FBXL17: variants seen among roughly 807,000 people sequenced by gnomAD.
The protein encoded by FBXL17 is F-box and leucine rich repeat protein 17.
FBXL17 carries 22 observed loss-of-function variants against 66.2 expected under a neutral mutation model. The ratio of observed to expected loss-of-function variants is 0.33; its 90% CI spans 0.24 to 0.47. FBXL17 has a LOEUF of 0.47. Ranked by LOEUF, FBXL17 falls within the 20% of genes least tolerant of loss-of-function variation. The probability of loss-of-function intolerance (pLI) is 1.00; values close to 1 mark genes in which losing one functional copy is unlikely to be tolerated. For missense variants in FBXL17, 878 were observed against 948.2 expected (o/e 0.93, Z 0.97); for synonymous variants, 474 against 400.5 (o/e 1.18, Z -2.19).
intron 7 of FBXL17, among the ~76,000 whole-genome samples, chr5:108,001,236 C>T (rs1337777515): frequency 2.0e-5 from 3 of 151,980 alleles, no homozygotes; most frequent in African/African-American, 7.2e-5. Flanking sequence ...TAGTTTTGAT[C>T]CAATTTAGGG....
At chr5:108,375,642 A>G (rs1749372923) in intron 1 of FBXL17, among the ~76,000 whole-genome samples, 1 of 152,188 alleles carries the variant, frequency 6.6e-6, no homozygotes, top group South Asian at 2.1e-4. Flanking sequence ...ATAAAAAACA[A>G]AAAACTTACA....
chr5:108,172,688 T>C (rs1752651803), intron 6 of FBXL17, among the ~76,000 whole-genome samples: 1 of 152,178 alleles, frequency 6.6e-6, no homozygotes, highest in African/African-American at 2.4e-5. Flanking sequence ...TTTAAGTTGC[T>C]TGGTTGGGTG....
intron 3 of FBXL17, among the ~76,000 whole-genome samples, chr5:108,355,847 TA>T (rs371424275): frequency 2.2e-4 from 34 of 152,254 alleles, no homozygotes; most frequent in African/African-American, 6.0e-4. Flanking sequence ...CAGCAAATAG[TA>T]AACATTAACG....
At chr5:108,214,652 G>A (rs1251312147) in intron 5 of FBXL17, among the ~76,000 whole-genome samples, 3 of 151,892 alleles carry the variant, frequency 2.0e-5, no homozygotes, top group East Asian at 1.9e-4. Context: ...TTACAGGCAC[G>A]AGCCACCGCA....
At chr5:107,980,718 G>A (rs1033066625) in intron 7 of FBXL17, among the ~76,000 whole-genome samples, 7 of 131,186 alleles carry the variant, frequency 5.3e-5, no homozygotes, top group African/African-American at 1.9e-4. Context: ...GTGCAGTGGC[G>A]CGATCTCGGC....
At chr5:108,343,411 T>A (rs1475223779) in intron 4 of FBXL17, among the ~76,000 whole-genome samples, 1 of 152,196 alleles carries the variant, frequency 6.6e-6, no homozygotes, top group Non-Finnish European at 1.5e-5. Flanking sequence ...AAGTGAGTAC[T>A]TAACCCTTTG....
Position 108,186,165 on chromosome 5 carries a change from T to C in FBXL17, c.1697A>G (p.Lys566Arg), listed in dbSNP as rs562459952. 1.9e-6 allele frequency: 3 copies of C among 1,612,632 alleles called. No homozygotes were observed. The African/African-American group carries it at 4.0e-5, about 21-fold the overall frequency. Reference protein sequence around the residue: ...ETVMEIVKRCKNLSSLNLCLN... With the variant: ...ETVMEIVKRCRNLSSLNLCLN... ...ACAGAGATTGAGAGAGCTAAGATTT[T>C]TGCACCTCTTGACAATTTCCATCAC... The change falls in exon 6 of 9, where the codon AAA (lysine) becomes AGA (arginine). Residue 566 changes from lysine (K) to arginine (R), a missense_variant. Around this residue, in one of 4 missense-constraint regions of FBXL17, gnomAD observed 236 missense variants for 389.1 expected, o/e 0.61. Transcript: ENST00000542267.
intron 4 of FBXL17, among the ~76,000 whole-genome samples, chr5:108,314,880 T>C (rs1300336518): frequency 1.3e-5 from 2 of 151,428 alleles, no homozygotes; most frequent in African/African-American, 4.8e-5. Context: ...GGTATCATAA[T>C]ACTAATTTAG....
chr5:108,185,556 T>C (rs1422146), intron 6 of FBXL17, among the ~76,000 whole-genome samples: 5,770 of 152,254 alleles, frequency 0.038, 163 homozygotes, highest in Non-Finnish European at 0.057. Flanking sequence ...TAGTTCTTTA[T>C]GGTAATGCTA....
chr5:108,330,724 ACAT>A (rs534684160), intron 4 of FBXL17, among the ~76,000 whole-genome samples: 8 of 152,182 alleles, frequency 5.3e-5, no homozygotes, highest in African/African-American at 1.9e-4. Context: ...AGGTACACAC[ACAT>A]CATCACACGT....
intron 5 of FBXL17, among the ~76,000 whole-genome samples, chr5:108,216,029 C>T (rs748991723): frequency 1.5e-4 from 23 of 152,124 alleles, no homozygotes; most frequent in Non-Finnish European, 2.9e-4. Context: ...TTTCTGGACG[C>T]TCGATCCTTT....
rs112740397 is a variant in FBXL17 at position 107,862,238 on chromosome 5, A to G, written c.1966-378T>C. On this transcript the variant is annotated intron_variant, in intron 8 of 8. Coordinates refer to ENST00000542267, the MANE Select transcript of FBXL17 (RefSeq NM_001163315.3). ...TCATCATCAACCCGACAGCCTTTTT[A>G]GGACAAAAATTGTGGAATGCCGGAG... is the stretch of plus-strand genomic sequence containing the variant. Among the ~76,000 whole-genome samples the G allele has an allele frequency of 3.7e-3, 557 of 152,046 alleles. 5 individuals are homozygous for G. Among genetic ancestry groups the G allele is most frequent in the Non-Finnish European group, 2.6e-3 (176 of 67,984 alleles).
chr5:108,052,044 C>T (rs1385753208), intron 6 of FBXL17, among the ~76,000 whole-genome samples: 1 of 141,746 alleles, frequency 7.1e-6, no homozygotes, highest in East Asian at 2.2e-4. Context: ...ACCTGGGAGG[C>T]GGAGCTTGCA....
chr5:107,985,619 C>T (rs1752985728), intron 7 of FBXL17, among the ~76,000 whole-genome samples: 1 of 152,084 alleles, frequency 6.6e-6, no homozygotes, highest in South Asian at 2.1e-4. Flanking sequence ...ATCATCTTAT[C>T]AGGTCATCTA....
rs1749903030 is a variant in FBXL17, at chr5:108,381,378, G to A, written c.314C>T (p.Ala105Val). Residue 105 changes from alanine to valine, a missense_variant, in exon 1 of 9, where the codon GCG (alanine) becomes GTG (valine). Transcript: ENST00000542267. ...GGCGCAGTCCTCGGCGGCCAGGGCC[G>A]CGTAGCGCCGCGCCAGGTGCTGAGA... ...SSSQHLARRY[A>V]ALAAEDCAAA... is the part of the protein sequence containing the mutation. 2.3e-6 allele frequency: 3 copies of A among 1,326,660 alleles called. No individual in the cohort carries two copies. The highest frequency in any genetic ancestry group is 2.9e-6 in the Non-Finnish European group (3 of 1,047,536). 82.2% of individuals were successfully genotyped at this position (1,326,660 alleles called of 1,614,324 possible). A position where few individuals can be genotyped will look rare whatever the true frequency, so the allele number is the denominator to read the frequency against.
intron 4 of FBXL17, among the ~76,000 whole-genome samples, chr5:108,310,276 A>G (rs1406108317): frequency 6.6e-6 from 1 of 152,214 alleles, no homozygotes; most frequent in East Asian, 1.9e-4. Flanking sequence ...AGAGAAAAGC[A>G]CTATCATACT....
chr5:108,169,392 G>A (rs573616137), intron 6 of FBXL17, among the ~76,000 whole-genome samples: 1 of 152,220 alleles, frequency 6.6e-6, no homozygotes, highest in Non-Finnish European at 1.5e-5. Context: ...TACATCTGTA[G>A]AAAGAAATGT....
chr5:108,310,100 T>G (rs887828126), intron 4 of FBXL17, among the ~76,000 whole-genome samples: 2 of 152,182 alleles, frequency 1.3e-5, no homozygotes, highest in Non-Finnish European at 2.9e-5. Flanking sequence ...TTTCTTTAAA[T>G]AATTCTATTT....
At chr5:108,352,637 A>C (rs548895147) in intron 3 of FBXL17, among the ~76,000 whole-genome samples, 1 of 151,810 alleles carries the variant, frequency 6.6e-6, no homozygotes, top group East Asian at 1.9e-4. Flanking sequence ...CAGCCTCCCG[A>C]GTAGCTGGGA....
Sources: gnomAD v4.1 joint callset for allele counts (sites outside exome capture counted in the v4.1 genomes callset) on GRCh38, gnomAD v4.1.1 for gene constraint, gnomAD v4.1.1 regional missense constraint, MANE v1.5 for transcripts, NCBI Gene and HGNC (gene_info 2026-07-23, HGNC 2026-07-21) for gene names.